Variants in FMN1 observed in about 807,000 individuals in gnomAD.
The protein encoded by FMN1 is formin-1.
FMN1 carries 110 observed loss-of-function variants against 132.4 expected under a neutral mutation model. That is an observed-to-expected ratio of 0.83 (90% CI 0.71 to 0.97). The LOEUF is 0.97. Among genes scored for constraint, FMN1 ranks in the 50% least tolerant of loss-of-function variants. The pLI is 0.00. For missense variants in FMN1, 1,792 were observed against 1,705.3 expected (o/e 1.05, Z -0.90); for synonymous variants, 722 against 651.7 (o/e 1.11, Z -1.64).
intron 7 of FMN1, among the ~76,000 whole-genome samples, chr15:32,995,288 A>G (rs2033696891): frequency 6.6e-6 from 1 of 152,180 alleles, no homozygotes. Flanking sequence ...AGAAAATCTA[A>G]GTCTTGGAAA....
chr15:32,834,322 A>G (rs1312624318), intron 17 of FMN1, among the ~76,000 whole-genome samples: 1 of 152,194 alleles, frequency 6.6e-6, no homozygotes, highest in African/African-American at 2.4e-5. Context: ...TTCCTCTCAC[A>G]TGGTGTGTGG....
chr15:33,018,533 A>C (rs1422569157), intron 6 of FMN1, among the ~76,000 whole-genome samples: 1 of 152,194 alleles, frequency 6.6e-6, no homozygotes, highest in Non-Finnish European at 1.5e-5. Flanking sequence ...ACAGCTGAAC[A>C]CGAAAAGGTT....
intron 17 of FMN1, among the ~76,000 whole-genome samples, chr15:32,821,097 C>T (rs1279520426): frequency 6.6e-6 from 1 of 151,604 alleles, no homozygotes; most frequent in East Asian, 1.9e-4. Flanking sequence ...GTTCAAATGT[C>T]ACAGATTTTC....
chr15:33,171,994 G>A (rs1370054056), intron 3 of FMN1, among the ~76,000 whole-genome samples: 2 of 152,148 alleles, frequency 1.3e-5, no homozygotes, highest in Non-Finnish European at 2.9e-5. Context: ...TGGATCACGA[G>A]GTCAGGAGAT....
At chr15:33,059,581 A>T (rs547469861) in intron 6 of FMN1, among the ~76,000 whole-genome samples, 24 of 145,954 alleles carry the variant, frequency 1.6e-4, no homozygotes, top group Admixed American at 2.6e-4. Flanking sequence ...AAAAAGATTT[A>T]AAAAAATTTT....
Position 33,128,884 on chromosome 15 carries a change from T to G in FMN1, c.1867+24164A>C, listed in dbSNP as rs111743458. ...GCAGAGGCCTGCGTGCGTGGCCAGCTTTTATTCCCTTATTTGGCCCCACCC... is the reference window on the plus strand; with the variant it reads ...GCAGAGGCCTGCGTGCGTGGCCAGCGTTTATTCCCTTATTTGGCCCCACCC... On this transcript the variant is annotated intron_variant, in intron 4 of 20. Transcript: ENST00000616417. Among the ~76,000 whole-genome samples, 68 of 150,978 alleles carry G rather than the reference T, an allele frequency of 4.5e-4. 1 individual carries two copies. Among genetic ancestry groups the G allele is most frequent in the Middle Eastern group, 3.5e-3 (1 of 286 alleles).
chr15:32,983,342 C>T (rs1231600508), intron 7 of FMN1, among the ~76,000 whole-genome samples: 2 of 152,156 alleles, frequency 1.3e-5, no homozygotes, highest in Non-Finnish European at 2.9e-5. Context: ...TCAATGGATG[C>T]CAGGAGCCTG....
intron 5 of FMN1, among the ~76,000 whole-genome samples, chr15:33,086,006 C>T (rs1294104677): frequency 6.6e-6 from 1 of 152,116 alleles, no homozygotes; most frequent in African/African-American, 2.4e-5. Context: ...AATCCCAGCA[C>T]TTTGAGAGGC....
chr15:32,949,958 TATATATACACACATATATATACACACAC>T lies in FMN1; in HGVS notation c.3138+14121_3138+14148del, dbSNP rs1567448547. Among the ~76,000 whole-genome samples the T allele has an allele frequency of 6.0e-4, 30 of 50,266 alleles. 2 individuals carry two copies. The highest frequency in any genetic ancestry group is 1.6e-3 in the African/African-American group (12 of 7,590). The allele number at this position is 50,266 out of a possible 152,430, so 33.0% of individuals were successfully genotyped here. On this transcript the variant is annotated intron_variant, in intron 9 of 20. Transcript: ENST00000616417. ...CAAAAAGCATATATATATATATATA[TATATATACACACATATATATACACACAC>T]ATATATATACACATACACATATATA... is the stretch of plus-strand genomic sequence containing the variant.
At chr15:33,143,471 A>G (rs1964089578) in intron 4 of FMN1, among the ~76,000 whole-genome samples, 1 of 152,244 alleles carries the variant, frequency 6.6e-6, no homozygotes, top group Non-Finnish European at 1.5e-5. Context: ...CAGGTATACA[A>G]TGATGAATGT....
At chr15:32,962,321 C>A (rs1052747615) in intron 9 of FMN1, among the ~76,000 whole-genome samples, 1 of 152,038 alleles carries the variant, frequency 6.6e-6, no homozygotes, top group Admixed American at 6.5e-5. Context: ...CCCTTCCTTA[C>A]ACTTTATACA....
chr15:33,109,409 A>G (rs1022609496), intron 4 of FMN1, among the ~76,000 whole-genome samples: 4 of 152,102 alleles, frequency 2.6e-5, no homozygotes, highest in African/African-American at 9.7e-5. Context: ...TGCGAGCACT[A>G]TTCACAATAG....
At chr15:32,813,636 C>A (rs977374879) in intron 17 of FMN1, among the ~76,000 whole-genome samples, 3 of 152,162 alleles carry the variant, frequency 2.0e-5, no homozygotes, top group Admixed American at 6.5e-5. Context: ...CAATGCTGCA[C>A]AACTACCTGT....
chr15:33,171,406 G>C (rs577202164), intron 3 of FMN1, among the ~76,000 whole-genome samples: 1 of 152,288 alleles, frequency 6.6e-6, no homozygotes, highest in South Asian at 2.1e-4. Context: ...CAAGGAGACA[G>C]CTGTCATAAA....
At chr15:33,110,024 G>A (rs1009110566) in intron 4 of FMN1, among the ~76,000 whole-genome samples, 9 of 151,986 alleles carry the variant, frequency 5.9e-5, no homozygotes, top group African/African-American at 2.2e-4. Context: ...GTAAGTGCAC[G>A]AATACTCTTC....
chr15:32,842,642 G>A (rs1488285665), intron 17 of FMN1, among the ~76,000 whole-genome samples: 3 of 152,126 alleles, frequency 2.0e-5, no homozygotes, highest in Middle Eastern at 3.2e-3. Flanking sequence ...CTAATAATAC[G>A]TAAAAGTTTG....
At chr15:32,970,984 C>T (rs141809002) in intron 7 of FMN1, among the ~76,000 whole-genome samples, 138 of 152,304 alleles carry the variant, frequency 9.1e-4, no homozygotes, top group African/African-American at 3.1e-3. Context: ...TGGACACCGT[C>T]TATTTCTCGT....
chr15:33,042,449 A>C (rs1237423484), intron 6 of FMN1, among the ~76,000 whole-genome samples: 1 of 152,244 alleles, frequency 6.6e-6, no homozygotes, highest in Non-Finnish European at 1.5e-5. Context: ...TAGAGGAAAA[A>C]AACAAATTGA....
chr15:33,036,634 A>G (rs1008505360), intron 6 of FMN1, among the ~76,000 whole-genome samples: 3 of 152,282 alleles, frequency 2.0e-5, no homozygotes, highest in Admixed American at 6.5e-5. Context: ...CAGACCAAGT[A>G]GAGTTTAAAA....
Sources: allele counts gnomAD v4.1 joint callset (sites outside exome capture counted in the v4.1 genomes callset), GRCh38; gene constraint gnomAD v4.1.1; transcripts MANE v1.5; gene names NCBI Gene and HGNC (gene_info 2026-07-23, HGNC 2026-07-21).